HECW2: variants seen among roughly 807,000 people sequenced by gnomAD.
HECW2 encodes the protein E3 ubiquitin-protein ligase HECW2.
In HECW2, 61 loss-of-function variants were observed where a neutral mutation model predicts 175.2. The ratio of observed to expected loss-of-function variants is 0.35; its 90% CI spans 0.28 to 0.43. The LOEUF is 0.43. Among genes scored for constraint, HECW2 ranks in the 20% least tolerant of loss-of-function variants. HECW2 has a pLI of 1.00. For missense variants in HECW2, 1,524 were observed against 2,000.5 expected (o/e 0.76, Z 4.54); for synonymous variants, 671 against 731.0 (o/e 0.92, Z 1.32).
chr2:196,543,156 T>C (rs1280432490), intron 1 of HECW2, among the ~76,000 whole-genome samples: 1 of 151,166 alleles, frequency 6.6e-6, no homozygotes, highest in African/African-American at 2.4e-5. Context: ...TTCTATGTAG[T>C]AATCAAATAT....
chr2:196,488,259 T>C (rs1490695288), intron 1 of HECW2, among the ~76,000 whole-genome samples: 1 of 152,186 alleles, frequency 6.6e-6, no homozygotes, highest in African/African-American at 2.4e-5. Flanking sequence ...TAACATTTAC[T>C]TCCCCTCTTA....
chr2:196,262,841 G>A (rs1273241601), intron 17 of HECW2, among the ~76,000 whole-genome samples: 5 of 152,070 alleles, frequency 3.3e-5, no homozygotes, highest in Admixed American at 3.3e-4. Flanking sequence ...TTACAGGCAC[G>A]AGCTATGGTG....
intron 10 of HECW2, among the ~76,000 whole-genome samples, chr2:196,315,550 T>G (rs1406527180): frequency 6.6e-6 from 1 of 152,118 alleles, no homozygotes; most frequent in Non-Finnish European, 1.5e-5. Context: ...TCTTAAGAAT[T>G]TTTCTCCTGT....
intron 28 of HECW2, among the ~76,000 whole-genome samples, chr2:196,212,507 T>A (rs1687328116): frequency 6.6e-6 from 1 of 152,154 alleles, no homozygotes; most frequent in African/African-American, 2.4e-5. Context: ...CCATCCAGGT[T>A]CCTACAAAGA....
intron 1 of HECW2, among the ~76,000 whole-genome samples, chr2:196,593,265 C>T (rs1480244130): frequency 6.6e-6 from 1 of 151,316 alleles, no homozygotes; most frequent in African/African-American, 2.4e-5. Flanking sequence ...CCATGGCTCC[C>T]GCCCGCGCTC....
intron 2 of HECW2, among the ~76,000 whole-genome samples, chr2:196,345,832 A>T (rs1229185901): frequency 6.6e-6 from 1 of 152,208 alleles, no homozygotes; most frequent in Admixed American, 6.5e-5. Flanking sequence ...TCACCTTCTG[A>T]AAGATACTTT....
chr2:196,206,690 T>C (rs13412629), intron 28 of HECW2, among the ~76,000 whole-genome samples: 17,833 of 152,204 alleles, frequency 0.12, 2,145 homozygotes, highest in African/African-American at 0.31. Flanking sequence ...CAGCAAAATA[T>C]ACAGGCAAAA....
chr2:196,592,850 G>C (rs935102149), intron 1 of HECW2: 8 of 150,284 alleles, frequency 5.3e-5, no homozygotes, highest in Non-Finnish European at 1.0e-4. Flanking sequence ...AAGTCGCCCG[G>C]ACCCGCGGCC....
At chr2:196,309,943 C>G (rs1471278935) in intron 10 of HECW2, among the ~76,000 whole-genome samples, 2 of 152,090 alleles carry the variant, frequency 1.3e-5, no homozygotes, top group Non-Finnish European at 2.9e-5. Context: ...GAAAGAAATT[C>G]TCAAAGATGG....
At position 196,194,832 on chromosome 2, in the gene HECW2, C is replaced by T. The variant is rs1000169869; in HGVS notation, c.*6445G>A. On this transcript the variant is annotated 3_prime_UTR_variant, in exon 29 of 29. Coordinates refer to ENST00000644978, the MANE Select transcript of HECW2 (RefSeq NM_001348768.2). Reference sequence around the variant, plus strand: ...TAACTGTGACACACTGTGTGGTGAACGTAATGACTGAGGTTGGTGAAGAGA... The same window carrying T: ...TAACTGTGACACACTGTGTGGTGAATGTAATGACTGAGGTTGGTGAAGAGA... The T allele has an allele frequency of 6.6e-6, 1 of 151,984 alleles. No individual in the cohort carries two copies. Among genetic ancestry groups the T allele is most frequent in the Non-Finnish European group, 1.5e-5 (1 of 67,988 alleles). The allele number at this position is 151,984 out of a possible 1,614,324, so 9.4% of individuals were successfully genotyped here.
At chr2:196,390,982 C>G (rs999385458) in intron 2 of HECW2, among the ~76,000 whole-genome samples, 1 of 152,104 alleles carries the variant, frequency 6.6e-6, no homozygotes, top group Non-Finnish European at 1.5e-5. Context: ...GTGCCTCCCT[C>G]CCTCCCCCAT....
chr2:196,327,827 A>G (rs1464578304), intron 5 of HECW2, among the ~76,000 whole-genome samples: 1 of 152,240 alleles, frequency 6.6e-6, no homozygotes, highest in Admixed American at 6.5e-5. Flanking sequence ...TGTGTAAGGA[A>G]GAAGCATTTG....
At chr2:196,416,508 AATC>A (rs1273009838) in intron 2 of HECW2, among the ~76,000 whole-genome samples, 3 of 152,232 alleles carry the variant, frequency 2.0e-5, no homozygotes, top group Admixed American at 6.5e-5. Context: ...TAAGAAACTG[AATC>A]ATCATATTCT....
At chr2:196,522,000 T>C (rs1390054002) in intron 1 of HECW2, among the ~76,000 whole-genome samples, 4 of 152,156 alleles carry the variant, frequency 2.6e-5, no homozygotes. Context: ...ATATACCCAG[T>C]AATGGGATGG....
intron 5 of HECW2, among the ~76,000 whole-genome samples, chr2:196,329,240 C>A (rs191500358): frequency 1.7e-4 from 26 of 152,006 alleles, no homozygotes; most frequent in Admixed American, 1.7e-3. Flanking sequence ...CAAATTTTTT[C>A]TTTCTCTAGC....
chr2:196,551,521 T>C (rs556764927), intron 1 of HECW2, among the ~76,000 whole-genome samples: 5 of 152,166 alleles, frequency 3.3e-5, no homozygotes, highest in Non-Finnish European at 5.9e-5. Flanking sequence ...TTGGCTTCTG[T>C]TTACTCTAAA....
intron 2 of HECW2, among the ~76,000 whole-genome samples, chr2:196,363,668 T>C (rs1693664657): frequency 6.6e-6 from 1 of 152,080 alleles, no homozygotes; most frequent in Non-Finnish European, 1.5e-5. Flanking sequence ...AAACATGTTT[T>C]TTAAACTTAG....
At chr2:196,231,523 A>G (rs887296379) in intron 21 of HECW2, among the ~76,000 whole-genome samples, 3 of 152,214 alleles carry the variant, frequency 2.0e-5, no homozygotes, top group Admixed American at 1.3e-4. Context: ...AGCTGTGCCC[A>G]TTTATGTATT....
At chr2:196,473,891 C>A (rs894117683) in intron 1 of HECW2, among the ~76,000 whole-genome samples, 1 of 152,198 alleles carries the variant, frequency 6.6e-6, no homozygotes, top group Non-Finnish European at 1.5e-5. Context: ...TTGGAACAGG[C>A]AGGACATATT....
Sources: allele counts gnomAD v4.1 joint callset (sites outside exome capture counted in the v4.1 genomes callset), GRCh38; gene constraint gnomAD v4.1.1; transcripts MANE v1.5; gene names NCBI Gene and HGNC (gene_info 2026-07-23, HGNC 2026-07-21).